RMC1: variants seen among roughly 807,000 people sequenced by gnomAD.
The protein encoded by RMC1 is regulator of MON1-CCZ1, also known as regulator of MON1-CCZ1 complex.
Under a neutral mutation model 95.5 loss-of-function variants are expected in RMC1, and 44 were observed. The observed-to-expected ratio is 0.46, with a 90% confidence interval of 0.36 to 0.59. The LOEUF (loss-of-function observed/expected upper bound fraction) is 0.59, where lower values mean the gene tolerates loss of function less well. Ranked by LOEUF, RMC1 falls within the 20% of genes least tolerant of loss-of-function variation. The pLI is 0.00. For missense variants in RMC1, 705 were observed against 819.6 expected (o/e 0.86, Z 1.71); for synonymous variants, 320 against 303.6 (o/e 1.05, Z -0.56).
chr18:23,503,773 G>C lies in RMC1; in HGVS notation c.102+53G>C, dbSNP rs893866795. On this transcript the variant is annotated intron_variant, in intron 1 of 19. Transcript: ENST00000269221. ...GCGCGGCCCTGCCGGGGTCGTGGGC[G>C]CGCCAAGGCCGGTCCCGCGCGACCA... The C allele has an allele frequency of 8.4e-5, 126 of 1,505,030 alleles. No homozygotes were observed. The Admixed American group carries it at 2.4e-3, about 29-fold the overall frequency. The allele number at this position is 1,505,030 out of a possible 1,614,324, so 93.2% of individuals were successfully genotyped here.
At chr18:23,505,352 G>T (rs1388585580) in intron 2 of RMC1, among the ~76,000 whole-genome samples, 1 of 152,206 alleles carries the variant, frequency 6.6e-6, no homozygotes, top group East Asian at 1.9e-4. Context: ...ATGAGCCGCT[G>T]CACCCGGCCT....
intron 10 of RMC1, 90 bp from the exon 11 acceptor site, chr18:23,524,040 A>G (rs2058222167): frequency 2.2e-6 from 3 of 1,336,554 alleles, no homozygotes; most frequent in Non-Finnish European, 2.2e-6. Context: ...TCGTAATGAC[A>G]TTAAAAAGTA....
chr18:23,513,792 T>G (rs924496805), intron 5 of RMC1, among the ~76,000 whole-genome samples: 5 of 152,216 alleles, frequency 3.3e-5, no homozygotes, highest in Non-Finnish European at 7.3e-5. Flanking sequence ...GTTGAGCACT[T>G]TTGTGTGTGT....
At chr18:23,528,022 C>T in intron 14 of RMC1, 121 bp downstream of exon 14, 2 of 821,250 alleles carry the variant, frequency 2.4e-6, no homozygotes, top group Non-Finnish European at 1.8e-6. Context: ...AGATTTGCCG[C>T]CTGCCATAGG....
chr18:23,522,722 TAGG>T (rs999521958), intron 10 of RMC1: 1 of 152,252 alleles, frequency 6.6e-6, no homozygotes, highest in Non-Finnish European at 1.5e-5. Context: ...CAGAGATCAA[TAGG>T]AGGAAATCAG....
rs1417461454 is a variant in RMC1, at chr18:23,530,402, A to G, written c.1684A>G (p.Asn562Asp). 4 of 1,614,208 alleles carry G rather than the reference A, an allele frequency of 2.5e-6. No homozygotes were observed. In the East Asian group the frequency reaches 6.7e-5, roughly 27 times the overall value. ...LDMLKRLSTA[N>D]DEIVEVLLSK... ...TTACTGCTAGCGACTTTCAACAGCA[A>G]ATGATGAAATAGTAGAAGTTCTCCT... is the stretch of plus-strand genomic sequence containing the variant. The change falls in exon 19 of 20, where the codon AAT becomes GAT. Residue 562 changes from asparagine to aspartate, a missense_variant. Asn to Asp is a conservative substitution (Grantham distance 23). Transcript: ENST00000269221.
intron 14 of RMC1, 78 bp from the exon 15 acceptor site, chr18:23,529,099 TCA>T: frequency 6.5e-7 from 1 of 1,539,920 alleles, no homozygotes; most frequent in East Asian, 2.3e-5. Flanking sequence ...ATCGAAGAAT[TCA>T]GTCCTTGTGG....
chr18:23,516,106 C>T (rs1328956585), intron 6 of RMC1, 110 bp downstream of exon 6: 2 of 1,512,670 alleles, frequency 1.3e-6, no homozygotes, highest in East Asian at 4.5e-5. Context: ...GCCGTAACGT[C>T]ACCGCTCTGA....
chr18:23,530,573 C>T lies in RMC1; in HGVS notation c.1855C>T (p.Arg619Ter), dbSNP rs1354688245. The change falls in exon 19 of 20, where the codon CGA (arginine) becomes TGA (stop). Residue 619 changes from arginine (R) to a stop codon, truncating the protein, a stop_gained. Transcript: ENST00000269221. LOFTEE classifies it high-confidence loss of function. ...TACAATATTCCGCTTTTTTGAACAG[C>T]GAAACCAGCGTTTGCGAGGGAGCCC... The part of the protein sequence containing the change: ...FYTIFRFFEQ[R>*]NQRLRGSPNF... The T allele has an allele frequency of 1.2e-6, 2 of 1,614,000 alleles. No homozygotes were observed. Among genetic ancestry groups the T allele is most frequent in the Non-Finnish European group, 1.7e-6 (2 of 1,179,920 alleles).
chr18:23,515,498 A>C (rs1471148809), intron 5 of RMC1, among the ~76,000 whole-genome samples: 1 of 152,128 alleles, frequency 6.6e-6, no homozygotes, highest in Admixed American at 6.5e-5. Context: ...CTCAGAGCGC[A>C]CTGTAAGGAT....
In RMC1 at chr18:23,531,107, C is replaced by G. The variant is rs1788824; in HGVS notation, c.1894+495C>G. On this transcript the variant is annotated intron_variant, in intron 19 of 19. Coordinates refer to ENST00000269221, the MANE Select transcript of RMC1 (RefSeq NM_013326.5). ...CTGGGTTCAAGCGATTCTTCTGCCT[C>G]AGCCTCCTGAGTAGTTGGGACTACA... Among the ~76,000 whole-genome samples the G allele has an allele frequency of 3.6e-3, 546 of 152,164 alleles. 4 individuals are homozygous for G. The highest frequency in any genetic ancestry group is 0.013 in the African/African-American group (523 of 41,500).
intron 15 of RMC1, 85 bp downstream of exon 15, chr18:23,529,383 G>T: frequency 6.6e-7 from 1 of 1,512,782 alleles, no homozygotes; most frequent in Non-Finnish European, 8.8e-7. Flanking sequence ...CATGTGATTA[G>T]AGTCACTTGA....
intron 2 of RMC1, among the ~76,000 whole-genome samples, chr18:23,505,806 C>A (rs772898338): frequency 1.3e-5 from 2 of 151,810 alleles, no homozygotes; most frequent in African/African-American, 4.8e-5. Context: ...CGAGTGAGCC[C>A]GTGATAATCT....
intron 12 of RMC1, among the ~76,000 whole-genome samples, chr18:23,525,719 G>A (rs1008948328): frequency 1.3e-5 from 2 of 152,070 alleles, no homozygotes; most frequent in African/African-American, 4.8e-5. Flanking sequence ...CACCACAGCC[G>A]GCCTATAATT....
intron 12 of RMC1, among the ~76,000 whole-genome samples, chr18:23,524,941 CTT>C (rs5823396): frequency 0.016 from 1,124 of 69,116 alleles, 4 homozygotes; most frequent in African/African-American, 0.065. Flanking sequence ...TTAGAGAAAT[CTT>C]TTTTTTTTTT....
chr18:23,524,244 GTCC>G, intron 11 of RMC1, 70 bp downstream of exon 11: 2 of 1,579,904 alleles, frequency 1.3e-6, no homozygotes, highest in South Asian at 1.1e-5. Context: ...TGGTCCTGAA[GTCC>G]TCCTCCGGGC....
At chr18:23,529,494 G>A in intron 15 of RMC1, 141 bp from the exon 16 acceptor site, 1 of 1,248,248 alleles carries the variant, frequency 8.0e-7, no homozygotes. Context: ...GGGTGGTTCT[G>A]GAGCGATGTG....
intron 12 of RMC1, among the ~76,000 whole-genome samples, chr18:23,526,149 G>A (rs1367717567): frequency 5.3e-5 from 8 of 152,178 alleles, no homozygotes; most frequent in Non-Finnish European, 1.2e-4. Flanking sequence ...CAGTGTGGGT[G>A]ATCAGTACAT....
intron 13 of RMC1, among the ~76,000 whole-genome samples, chr18:23,527,013 T>C (rs2058316501): frequency 6.6e-6 from 1 of 151,352 alleles, no homozygotes. Flanking sequence ...AGGAGGGGAG[T>C]GGGCCACCAC....
Sources: allele counts gnomAD v4.1 joint callset (sites outside exome capture counted in the v4.1 genomes callset), GRCh38; gene constraint gnomAD v4.1.1; transcripts MANE v1.5; gene names NCBI Gene and HGNC (gene_info 2026-07-23, HGNC 2026-07-21).